The following CLIC5 variants were observed in gnomAD, a reference collection of about 807,000 sequenced individuals.
The protein encoded by CLIC5 is chloride intracellular channel protein 5.
In CLIC5, 20 loss-of-function variants were observed where a neutral mutation model predicts 24.7. The ratio of observed to expected loss-of-function variants is 0.81; its 90% CI spans 0.57 to 1.18. The LOEUF (loss-of-function observed/expected upper bound fraction) is 1.18, where lower values mean the gene tolerates loss of function less well. Among genes scored for constraint, CLIC5 ranks in the 50% most tolerant of loss-of-function variants. The pLI is 0.00. For synonymous variants in CLIC5, 159 were observed against 135.6 expected (o/e 1.17, Z -1.20); for missense variants, 341 against 326.1 (o/e 1.05, Z -0.35).
chr6:46,080,101 C>T, exon 1 of CLIC5: 1 of 1,551,680 alleles, frequency 6.4e-7, no homozygotes, highest in Non-Finnish European at 8.7e-7. Flanking sequence ...AGCTGAGTGG[C>T]ATATAAATCA....
chr6:45,946,233 G>C (rs527515993), intron 3 of CLIC5, among the ~76,000 whole-genome samples: 16 of 152,316 alleles, frequency 1.1e-4, no homozygotes, highest in African/African-American at 3.8e-4. Flanking sequence ...GAGATGAAAG[G>C]CAAGGGCCAG....
At chr6:46,092,792 T>A in the CLIC5 span, among the ~76,000 whole-genome samples, 1 of 152,204 alleles carries the variant, frequency 6.6e-6, no homozygotes, top group Admixed American at 6.5e-5. Flanking sequence ...ACTCTGTCAT[T>A]GTTAATAATC....
chr6:46,069,487 T>C (rs139216264), intron 1 of CLIC5, among the ~76,000 whole-genome samples: 2 of 151,922 alleles, frequency 1.3e-5, no homozygotes, highest in African/African-American at 4.8e-5. Flanking sequence ...CCTGGACACA[T>C]ACACCCTCCC....
At chr6:45,889,975 T>C (rs1404834274) in intron 6 of CLIC5, among the ~76,000 whole-genome samples, 3 of 152,188 alleles carry the variant, frequency 2.0e-5, no homozygotes, top group Non-Finnish European at 2.9e-5. Context: ...ATGTGAAACA[T>C]ATATTAATAT....
At chr6:45,985,059 C>T (rs1413234610) in intron 1 of CLIC5, among the ~76,000 whole-genome samples, 1 of 152,180 alleles carries the variant, frequency 6.6e-6, no homozygotes, top group Non-Finnish European at 1.5e-5. Flanking sequence ...AAGAGAGACA[C>T]TGAAATTAGC....
chr6:45,898,226 T>C (rs573093586), downstream of CLIC5, among the ~76,000 whole-genome samples: 42 of 152,250 alleles, frequency 2.8e-4, no homozygotes, highest in African/African-American at 9.6e-4. Flanking sequence ...TCGAATCACT[T>C]GAGGTCAGGA....
the CLIC5 span, among the ~76,000 whole-genome samples, chr6:46,125,782 A>T: frequency 6.6e-6 from 1 of 152,194 alleles, no homozygotes; most frequent in Non-Finnish European, 1.5e-5. Context: ...AATGATGGCC[A>T]CCAGCAGCTT....
chr6:45,922,722 G>A (rs1763311426), intron 4 of CLIC5, among the ~76,000 whole-genome samples: 1 of 151,950 alleles, frequency 6.6e-6, no homozygotes, highest in South Asian at 2.1e-4. Context: ...TTATCACTTA[G>A]GTCTTCGAAT....
intron 1 of CLIC5, among the ~76,000 whole-genome samples, chr6:46,035,911 A>AT (rs756548940): frequency 2.6e-4 from 39 of 151,452 alleles, no homozygotes; most frequent in African/African-American, 9.0e-4. Flanking sequence ...CACCCAGCTA[A>AT]TTTTTTTGTA....
chr6:46,056,400 C>T (rs1228281958), intron 1 of CLIC5, among the ~76,000 whole-genome samples: 2 of 152,134 alleles, frequency 1.3e-5, no homozygotes, highest in African/African-American at 4.8e-5. Flanking sequence ...CAACTGGCTT[C>T]TTGGGTTGAC....
chr6:45,951,682 G>A (rs753117681), intron 2 of CLIC5, among the ~76,000 whole-genome samples: 7 of 152,168 alleles, frequency 4.6e-5, no homozygotes, highest in Non-Finnish European at 1.0e-4. Flanking sequence ...CTTCCAAGAC[G>A]GTGCTGGGAT....
the CLIC5 span, among the ~76,000 whole-genome samples, chr6:46,126,046 T>C: frequency 6.6e-6 from 1 of 152,166 alleles, no homozygotes; most frequent in African/African-American, 2.4e-5. Context: ...CCCGATTTGC[T>C]TGTTGCTTTT....
chr6:46,009,928 A>T (rs965380721), intron 1 of CLIC5, among the ~76,000 whole-genome samples: 4 of 152,144 alleles, frequency 2.6e-5, no homozygotes, highest in African/African-American at 9.7e-5. Context: ...CAGTCCAACC[A>T]CATTACTCCA....
the CLIC5 span, among the ~76,000 whole-genome samples, chr6:46,109,557 G>T: frequency 1.5e-5 from 2 of 134,688 alleles, no homozygotes; most frequent in East Asian, 4.4e-4. Context: ...AAGCTGATGC[G>T]TTCATGAGGA....
chr6:46,082,252 G>T (rs1762939607), upstream of CLIC5, among the ~76,000 whole-genome samples: 1 of 152,192 alleles, frequency 6.6e-6, no homozygotes, highest in Non-Finnish European at 1.5e-5. Context: ...ACCCAGTGAG[G>T]CAGGGCTGAG....
chr6:45,886,906 A>T (rs1762310149), intron 6 of CLIC5, among the ~76,000 whole-genome samples: 1 of 152,142 alleles, frequency 6.6e-6, no homozygotes, highest in African/African-American at 2.4e-5. Context: ...TGATCTCCTG[A>T]TCATTCCTGG....
At chr6:45,958,441 T>TACACACACACAC (rs1554151283) in intron 1 of CLIC5, among the ~76,000 whole-genome samples, 1 of 17,944 alleles carries the variant, frequency 5.6e-5, no homozygotes, top group African/African-American at 2.3e-4. Context: ...TATATATATA[T>TACACACACACAC]ATATATATAT....
At position 45,900,285 on chromosome 6, in the gene CLIC5, A is replaced by ATCCCC. The variant is rs1762477199; in HGVS notation, c.*2798_*2802dup. The ATCCCC allele has an allele frequency of 6.6e-6, 1 of 152,140 alleles. No homozygotes were observed. The highest frequency in any genetic ancestry group is 1.5e-5 in the Non-Finnish European group (1 of 68,060). 9.4% of individuals were successfully genotyped at this position (152,140 alleles called of 1,614,324 possible). On this transcript the variant is annotated 3_prime_UTR_variant, in exon 6 of 6. Transcript: ENST00000339561. ...TAAAATAAGATCTCAACACAAATACATCCCCTTTCTGTGCCACCAAAATGC... is the reference window on the plus strand; with the variant it reads ...TAAAATAAGATCTCAACACAAATACATCCCCTCCCCTTTCTGTGCCACCAAAATGC...
Position 45,898,934 on chromosome 6 carries a change from C to T in CLIC5, c.*4154G>A, listed in dbSNP as rs925668321. On this transcript the variant is annotated 3_prime_UTR_variant, in exon 6 of 6. Transcript: ENST00000339561. ...GCTTCTATAGAAACACAGAATAGCC[C>T]AAACCTTATATTGAGGCAACGTATT... 2.0e-5 allele frequency: 3 copies of T among 152,184 alleles called. No homozygotes were observed. Among genetic ancestry groups the T allele is most frequent in the Non-Finnish European group, 4.4e-5 (3 of 68,020 alleles). 9.4% of individuals were successfully genotyped at this position (152,184 alleles called of 1,614,324 possible).
Sources: gnomAD v4.1 joint callset for allele counts (sites outside exome capture counted in the v4.1 genomes callset) on GRCh38, gnomAD v4.1.1 for gene constraint, MANE v1.5 for transcripts, NCBI Gene and HGNC (gene_info 2026-07-23, HGNC 2026-07-21) for gene names.